Variants in CSMD3 observed in about 807,000 individuals in gnomAD.
CSMD3 encodes CUB and sushi domain-containing protein 3.
Under a neutral mutation model 435.2 loss-of-function variants are expected in CSMD3, and 177 were observed. The observed-to-expected ratio is 0.41, with a 90% CI of 0.36 to 0.46. The LOEUF (loss-of-function observed/expected upper bound fraction) is 0.46, where lower values mean the gene tolerates loss of function less well. Ranked by LOEUF, CSMD3 falls within the 20% of genes least tolerant of loss-of-function variation. The pLI is 0.34. For synonymous variants in CSMD3, 1,656 were observed against 1,520.5 expected (o/e 1.09, Z -2.07); for missense variants, 4,265 against 4,504.6 (o/e 0.95, Z 1.52).
At chr8:112,367,551 C>T (rs1827892952) in intron 38 of CSMD3, among the ~76,000 whole-genome samples, 1 of 152,176 alleles carries the variant, frequency 6.6e-6, no homozygotes, top group Non-Finnish European at 1.5e-5. Context: ...TCATCCCCAA[C>T]ATCTAATTGG....
intron 3 of CSMD3, among the ~76,000 whole-genome samples, chr8:113,195,170 A>G (rs2092636583): frequency 6.6e-6 from 1 of 150,894 alleles, no homozygotes; most frequent in East Asian, 2.0e-4. Context: ...TTCTTACAAA[A>G]AACACTCACT....
At chr8:113,327,224 T>C (rs1163160833) in intron 1 of CSMD3, among the ~76,000 whole-genome samples, 1 of 152,196 alleles carries the variant, frequency 6.6e-6, no homozygotes, top group Non-Finnish European at 1.5e-5. Flanking sequence ...TCTCATTTTA[T>C]GAGAATATAT....
chr8:113,292,149 C>G (rs2093690716), intron 2 of CSMD3, among the ~76,000 whole-genome samples: 1 of 151,370 alleles, frequency 6.6e-6, no homozygotes. Context: ...CCATATAACT[C>G]TGAAATTTGG....
intron 38 of CSMD3, among the ~76,000 whole-genome samples, chr8:112,356,761 C>T (rs944078878): frequency 6.6e-6 from 1 of 152,030 alleles, no homozygotes; most frequent in African/African-American, 2.4e-5. Context: ...AGGAGTTCCC[C>T]TGCACGAGCT....
intron 6 of CSMD3, among the ~76,000 whole-genome samples, chr8:112,985,568 C>G (rs2130989168): frequency 6.6e-6 from 1 of 152,206 alleles, no homozygotes; most frequent in Non-Finnish European, 1.5e-5. Flanking sequence ...GGACTGGTAC[C>G]AGTCCTTCGC....
Position 112,292,631 on chromosome 8 carries a change from T to A in CSMD3, c.8694A>T (p.Thr2898=), listed in dbSNP as rs2130689585. The change falls in exon 55 of 71, where the codon ACA becomes ACT. Residue 2898 remains threonine, a synonymous_variant. Transcript: ENST00000297405. The stretch of plus-strand genomic sequence containing the variant: ...TAAGATACCCAATATTGCATGAGAA[T>A]GTTACCACATCATTAAAGTTGAACC... ...GNGFNFNDVV[T]FSCNIGYLMQ... is the part of the protein sequence containing the mutation. 2 of 1,613,894 alleles carry A rather than the reference T, an allele frequency of 1.2e-6. No individual in the cohort carries two copies. Among genetic ancestry groups the A allele is most frequent in the Non-Finnish European group, 1.7e-6 (2 of 1,179,824 alleles).
At chr8:112,791,752 A>G (rs2132292458) in intron 13 of CSMD3, among the ~76,000 whole-genome samples, 1 of 152,296 alleles carries the variant, frequency 6.6e-6, no homozygotes, top group East Asian at 1.9e-4. Context: ...AATGTCTAAG[A>G]GTAAAAAGGC....
chr8:113,058,097 T>A (rs1010956811), intron 5 of CSMD3, among the ~76,000 whole-genome samples: 2 of 151,936 alleles, frequency 1.3e-5, no homozygotes, highest in African/African-American at 4.8e-5. Context: ...AATATGTTTA[T>A]ATGGAAATAT....
At chr8:112,515,102 T>C (rs1446348056) in intron 28 of CSMD3, among the ~76,000 whole-genome samples, 1 of 152,062 alleles carries the variant, frequency 6.6e-6, no homozygotes, top group Non-Finnish European at 1.5e-5. Flanking sequence ...TGTCTAAAAA[T>C]GGAAATTTGT....
intron 3 of CSMD3, among the ~76,000 whole-genome samples, chr8:113,228,345 G>A (rs1452804531): frequency 6.6e-6 from 1 of 151,474 alleles, no homozygotes; most frequent in Admixed American, 6.6e-5. Flanking sequence ...ATAGTGCTTT[G>A]TATTTCAAAA....
At chr8:113,387,110 A>G (rs958107253) in intron 1 of CSMD3, among the ~76,000 whole-genome samples, 1 of 151,786 alleles carries the variant, frequency 6.6e-6, no homozygotes, top group Non-Finnish European at 1.5e-5. Context: ...AAATGAAATG[A>G]TGGTTTAGAT....
chr8:113,416,493 A>G (rs1674527836), intron 1 of CSMD3, among the ~76,000 whole-genome samples: 1 of 152,124 alleles, frequency 6.6e-6, no homozygotes, highest in South Asian at 2.1e-4. Flanking sequence ...TGTGGAAACT[A>G]TTACAATTCC....
At chr8:112,371,931 TAC>T (rs1828435709) in intron 38 of CSMD3, among the ~76,000 whole-genome samples, 1 of 149,710 alleles carries the variant, frequency 6.7e-6, no homozygotes, top group African/African-American at 2.5e-5. Flanking sequence ...AAAACAAAAA[TAC>T]ACACACACTC....
chr8:112,495,856 C>A (rs1009020666), intron 30 of CSMD3, among the ~76,000 whole-genome samples: 2 of 151,502 alleles, frequency 1.3e-5, no homozygotes, highest in Admixed American at 6.6e-5. Flanking sequence ...TATTTTAGAT[C>A]GCTGCATCTA....
At chr8:112,724,268 G>C (rs1461549411) in intron 13 of CSMD3, among the ~76,000 whole-genome samples, 1 of 151,944 alleles carries the variant, frequency 6.6e-6, no homozygotes, top group Admixed American at 6.6e-5. Flanking sequence ...TCTAAGTGAA[G>C]AAGAGTGAGA....
At chr8:112,511,818 C>T (rs1310636476) in intron 28 of CSMD3, among the ~76,000 whole-genome samples, 1 of 152,154 alleles carries the variant, frequency 6.6e-6, no homozygotes, top group Non-Finnish European at 1.5e-5. Flanking sequence ...CAAATTCTGC[C>T]TCTGCTTTTA....
At chr8:112,729,855 A>T (rs2077040021) in intron 13 of CSMD3, among the ~76,000 whole-genome samples, 1 of 152,142 alleles carries the variant, frequency 6.6e-6, no homozygotes. Context: ...AAGCCCCTAG[A>T]GGGAGAGCAG....
chr8:113,351,953 C>A (rs370022248), intron 1 of CSMD3, among the ~76,000 whole-genome samples: 7 of 152,134 alleles, frequency 4.6e-5, no homozygotes, highest in African/African-American at 1.7e-4. Flanking sequence ...TTTATTAAAG[C>A]AGCACCAAAC....
chr8:112,969,073 T>A (rs1006853857), intron 7 of CSMD3, among the ~76,000 whole-genome samples: 1 of 152,016 alleles, frequency 6.6e-6, no homozygotes, highest in African/African-American at 2.4e-5. Flanking sequence ...AAATTGTTAC[T>A]TTCACACAAT....
Sources: allele counts gnomAD v4.1 joint callset (sites outside exome capture counted in the v4.1 genomes callset), GRCh38; gene constraint gnomAD v4.1.1; transcripts MANE v1.5; gene names NCBI Gene and HGNC (gene_info 2026-07-23, HGNC 2026-07-21).